NOS2: variants seen among roughly 807,000 people sequenced by gnomAD.
NOS2 encodes the protein nitric oxide synthase 2, also known as nitric oxide synthase, inducible.
Under a neutral mutation model 136.0 loss-of-function variants are expected in NOS2, and 96 were observed. The ratio of observed to expected loss-of-function variants is 0.71; its 90% CI spans 0.60 to 0.84. The LOEUF (loss-of-function observed/expected upper bound fraction) is 0.84. Among genes scored for constraint, NOS2 ranks in the 40% least tolerant of loss-of-function variants. The pLI is 0.00. For missense variants in NOS2, 1,237 were observed against 1,496.9 expected (o/e 0.83, Z 2.87); for synonymous variants, 539 against 587.5 (o/e 0.92, Z 1.20).
intron 14 of NOS2, 38 bp downstream of exon 14, chr17:27,772,270 A>G (rs201152591): frequency 1.2e-6 from 2 of 1,612,822 alleles, no homozygotes; most frequent in Non-Finnish European, 1.7e-6. Flanking sequence ...CCCTGCACAC[A>G]AGCAGAAAAA....
chr17:27,762,570 A>T (rs1908166281), intron 22 of NOS2, among the ~76,000 whole-genome samples: 1 of 152,194 alleles, frequency 6.6e-6, no homozygotes. Flanking sequence ...TGTAAAATGC[A>T]CACAGTGCCT....
intron 19 of NOS2, among the ~76,000 whole-genome samples, chr17:27,766,235 T>G (rs867873514): frequency 4.6e-5 from 7 of 152,306 alleles, no homozygotes; most frequent in Middle Eastern, 3.4e-3. Flanking sequence ...TCTCTTGCAC[T>G]CTCCTTTTAG....
intron 16 of NOS2, 126 bp from the exon 17 acceptor site, chr17:27,769,277 C>T (rs1908412153): frequency 9.9e-7 from 1 of 1,008,866 alleles, no homozygotes; most frequent in South Asian, 1.6e-5. Context: ...TGGAGCTGGA[C>T]CCCCTTCTGG....
rs963954864 is a variant in NOS2 at position 27,765,653 on chromosome 17, C to T, written c.2310G>A (p.Gly770=). ...EDGQGLNYLP[G]EHLGVCPGNQ... is the part of the protein sequence containing the mutation. ...TGCCTGGGCAAACCCCAAGGTGCTCCCCCGGCAGGTAGTTCAGGCCTTGGC... is the reference window on the plus strand; with the variant it reads ...TGCCTGGGCAAACCCCAAGGTGCTCTCCCGGCAGGTAGTTCAGGCCTTGGC... The change falls in exon 20 of 27, where the codon GGG becomes GGA. Residue 770 remains glycine (G), a synonymous_variant. Transcript: ENST00000313735. 1 of 1,613,474 alleles carries T rather than the reference C, an allele frequency of 6.2e-7. No individual in the cohort carries two copies.
intron 23 of NOS2, 74 bp from the exon 24 acceptor site, chr17:27,760,818 G>T (rs1908100554): frequency 6.7e-7 from 1 of 1,495,518 alleles, no homozygotes; most frequent in Non-Finnish European, 9.0e-7. Flanking sequence ...TGGCTGGGGA[G>T]CTGGGCCTGT....
rs1907948755 is a variant in NOS2, at chr17:27,757,108, G to A, written c.*138C>T. On this transcript the variant is annotated 3_prime_UTR_variant, in exon 27 of 27. Transcript: ENST00000313735. ...GGTCAAGTAAAGGGCTTGATGGGGA[G>A]CAACGTTGAGGAAATAAGACTTGAG... 7.8e-6 allele frequency: 5 copies of A among 641,916 alleles called. No homozygotes were observed. Among genetic ancestry groups the A allele is most frequent in the Non-Finnish European group, 1.0e-5 (4 of 382,422 alleles). The allele number at this position is 641,916 out of a possible 1,614,324, so 39.8% of individuals were successfully genotyped here.
Position 27,788,802 on chromosome 17 carries a change from G to A in NOS2, c.318+7C>T, listed in dbSNP as rs752517796. 1.2e-6 allele frequency: 2 copies of A among 1,612,840 alleles called. No homozygotes were observed. Among genetic ancestry groups the A allele is most frequent in the South Asian group, 1.1e-5 (1 of 90,846 alleles). Reference sequence around the variant, plus strand: ...AAAGGTGGTTCTCCCTGAAGCCCCAGACTTACCCCTTTGGCCTTATGGTGA... The same window carrying A: ...AAAGGTGGTTCTCCCTGAAGCCCCAAACTTACCCCTTTGGCCTTATGGTGA... On this transcript the variant is annotated splice_region_variant and intron_variant, in intron 4 of 26. Coordinates refer to ENST00000313735, the MANE Select transcript of NOS2 (RefSeq NM_000625.4).
At chr17:27,773,859 A>G (rs376296264) in intron 12 of NOS2, among the ~76,000 whole-genome samples, 2 of 152,280 alleles carry the variant, frequency 1.3e-5, no homozygotes, top group East Asian at 3.9e-4. Context: ...TCCCTTTTAG[A>G]GATGAGAAGA....
At position 27,773,078 on chromosome 17, in the gene NOS2, C is replaced by T; in HGVS notation, c.1559+83G>A. 3.7e-6 allele frequency: 4 copies of T among 1,069,244 alleles called. No homozygotes were observed. The South Asian group carries it at 3.8e-5, about 10-fold the overall frequency. 66.2% of individuals were successfully genotyped at this position (1,069,244 alleles called of 1,614,324 possible). A position where few individuals can be genotyped will look rare whatever the true frequency, so the allele number is the denominator to read the frequency against. ...CATAACCATTCCTTGTGTTCTTGCC[C>T]TTCAAGGACTGGAGGCAGAGGCTGA... On this transcript the variant is annotated intron_variant, in intron 13 of 26. Coordinates refer to ENST00000313735, the MANE Select transcript of NOS2 (RefSeq NM_000625.4).
intron 18 of NOS2, 37 bp downstream of exon 18, chr17:27,767,668 C>A (rs1162335163): frequency 6.2e-7 from 1 of 1,608,226 alleles, no homozygotes; most frequent in Admixed American, 1.7e-5. Flanking sequence ...CAGACCCCAA[C>A]ACAAACAAGC....
intron 26 of NOS2, 49 bp downstream of exon 26, chr17:27,758,832 G>A (rs199681154): frequency 1.1e-5 from 14 of 1,317,318 alleles, no homozygotes; most frequent in East Asian, 2.9e-5. Context: ...TGGCTCCAAC[G>A]GCCTGTGCCC....
chr17:27,761,712 C>T (rs568181576), intron 22 of NOS2, among the ~76,000 whole-genome samples: 4 of 152,244 alleles, frequency 2.6e-5, no homozygotes, highest in South Asian at 2.1e-4. Context: ...GGATGAGTTC[C>T]GCGCATTTCA....
chr17:27,767,889 C>T, intron 17 of NOS2, 52 bp from the exon 18 acceptor site: 1 of 1,606,332 alleles, frequency 6.2e-7, no homozygotes, highest in Non-Finnish European at 8.5e-7. Context: ...AGCAGCATCC[C>T]CACCACTGGG....
intron 5 of NOS2, among the ~76,000 whole-genome samples, chr17:27,786,652 A>T (rs1280164805): frequency 6.6e-6 from 1 of 152,130 alleles, no homozygotes; most frequent in African/African-American, 2.4e-5. Context: ...CTAGCTCTAT[A>T]TTCTTTAACT....
chr17:27,794,746 A>ACC (rs1491134307), intron 2 of NOS2, among the ~76,000 whole-genome samples: 4 of 149,074 alleles, frequency 2.7e-5, no homozygotes, highest in African/African-American at 9.8e-5. Flanking sequence ...ACACACACAC[A>ACC]CCATGCTCAT....
At chr17:27,794,459 G>GGTA (rs1030387358) in intron 2 of NOS2, among the ~76,000 whole-genome samples, 32 of 152,172 alleles carry the variant, frequency 2.1e-4, no homozygotes, top group African/African-American at 7.5e-4. Context: ...CAAGATAACA[G>GGTA]GTAGGGTCCA....
In NOS2 at chr17:27,757,170, C is replaced by A; in HGVS notation, c.*76G>T. On this transcript the variant is annotated 3_prime_UTR_variant, in exon 27 of 27. Transcript: ENST00000313735. ...TCACTTTCCTCCATCTCCCCAGGCC[C>A]TGTGACCTCAGATAATGCAGAGCTG... is the stretch of plus-strand genomic sequence containing the variant. 1 of 1,183,384 alleles carries A rather than the reference C, an allele frequency of 8.5e-7. No individual in the cohort carries two copies. The highest frequency in any genetic ancestry group is 1.3e-5 in the South Asian group (1 of 76,478). 73.3% of individuals were successfully genotyped at this position (1,183,384 alleles called of 1,614,324 possible). A position where few individuals can be genotyped will look rare whatever the true frequency, so the allele number is the denominator to read the frequency against.
At chr17:27,774,860 A>C (rs1908612415) in intron 11 of NOS2, among the ~76,000 whole-genome samples, 1 of 152,228 alleles carries the variant, frequency 6.6e-6, no homozygotes, top group Non-Finnish European at 1.5e-5. Flanking sequence ...TCTAAGAGTC[A>C]CTTCCATGGG....
intron 18 of NOS2, among the ~76,000 whole-genome samples, chr17:27,767,287 G>A (rs1359717832): frequency 2.0e-5 from 3 of 152,138 alleles, no homozygotes; most frequent in South Asian, 2.1e-4. Context: ...CCTTCTCTAC[G>A]ACACTTGGCT....
Sources: gnomAD v4.1 joint callset for allele counts (sites outside exome capture counted in the v4.1 genomes callset) on GRCh38, gnomAD v4.1.1 for gene constraint, MANE v1.5 for transcripts, NCBI Gene and HGNC (gene_info 2026-07-23, HGNC 2026-07-21) for gene names.